Variants in DPYD observed in about 807,000 individuals in gnomAD.
DPYD encodes dihydropyrimidine dehydrogenase [NADP(+)].
In DPYD, 109 loss-of-function variants were observed where a neutral mutation model predicts 116.2. That is an observed-to-expected ratio of 0.94 (90% confidence interval 0.80 to 1.10). The LOEUF is 1.10. Among genes scored for constraint, DPYD ranks in the 50% least tolerant of loss-of-function variants. DPYD has a pLI of 0.00. For missense variants in DPYD, 1,302 were observed against 1,254.5 expected (o/e 1.04, Z -0.57); for synonymous variants, 440 against 432.0 (o/e 1.02, Z -0.23).
At chr1:97,230,751 T>C (rs542916570) in intron 19 of DPYD, among the ~76,000 whole-genome samples, 2 of 152,222 alleles carry the variant, frequency 1.3e-5, no homozygotes, top group African/African-American at 4.8e-5. Flanking sequence ...AGCCATGTGA[T>C]AGAAGTTCAG....
intron 4 of DPYD, among the ~76,000 whole-genome samples, chr1:97,729,073 T>C (rs1427070938): frequency 1.3e-5 from 2 of 152,138 alleles, no homozygotes; most frequent in African/African-American, 4.8e-5. Context: ...TTTTTAGAAC[T>C]ACACATTTGG....
chr1:97,615,205 T>A (rs1656191903), intron 8 of DPYD, among the ~76,000 whole-genome samples: 1 of 152,170 alleles, frequency 6.6e-6, no homozygotes. Context: ...CATCTTCCAC[T>A]GGTTGGGCTA....
intron 2 of DPYD, 112 bp downstream of exon 2, chr1:97,883,152 A>G: frequency 4.5e-6 from 3 of 663,934 alleles, no homozygotes; most frequent in Non-Finnish European, 7.8e-6. Context: ...AAATATTTTT[A>G]AAATCACGGC....
At chr1:97,388,778 G>A (rs1197671766) in intron 14 of DPYD, among the ~76,000 whole-genome samples, 1 of 152,090 alleles carries the variant, frequency 6.6e-6, no homozygotes, top group Non-Finnish European at 1.5e-5. Context: ...AAGATCACGG[G>A]AGGACTAATG....
chr1:97,682,165 T>C (rs1207962663), intron 7 of DPYD, among the ~76,000 whole-genome samples: 1 of 152,064 alleles, frequency 6.6e-6, no homozygotes, highest in Non-Finnish European at 1.5e-5. Flanking sequence ...GATTCTACTC[T>C]AATACACAAT....
intron 3 of DPYD, among the ~76,000 whole-genome samples, chr1:97,747,456 G>A (rs1186535472): frequency 6.6e-6 from 1 of 152,158 alleles, no homozygotes; most frequent in African/African-American, 2.4e-5. Context: ...TCACCTTAAA[G>A]ATGGTGGGGA....
intron 14 of DPYD, among the ~76,000 whole-genome samples, chr1:97,391,689 A>C (rs915658292): frequency 1.3e-5 from 2 of 152,158 alleles, no homozygotes; most frequent in Non-Finnish European, 1.5e-5. Context: ...AAGATTCCTT[A>C]TTAGTTGCCC....
intron 12 of DPYD, among the ~76,000 whole-genome samples, chr1:97,528,352 C>A (rs546141982): frequency 2.0e-5 from 3 of 152,026 alleles, no homozygotes; most frequent in Non-Finnish European, 2.9e-5. Flanking sequence ...TTCCATTTTA[C>A]GCATTTCTTT....
intron 3 of DPYD, among the ~76,000 whole-genome samples, chr1:97,826,278 C>A (rs746061406): frequency 2.0e-5 from 3 of 152,150 alleles, no homozygotes; most frequent in Non-Finnish European, 4.4e-5. Context: ...TTAATCATCT[C>A]TTCATTTGAA....
chr1:97,381,104 A>C (rs1240043259), intron 15 of DPYD, among the ~76,000 whole-genome samples: 1 of 152,108 alleles, frequency 6.6e-6, no homozygotes, highest in African/African-American at 2.4e-5. Context: ...TTTTGATTGA[A>C]CAAAAGGCAT....
At chr1:97,796,286 T>TA (rs1219085461) in intron 3 of DPYD, among the ~76,000 whole-genome samples, 1 of 152,118 alleles carries the variant, frequency 6.6e-6, no homozygotes, top group East Asian at 1.9e-4. Context: ...TTCCTTGTCC[T>TA]AAGCAACACA....
chr1:97,759,121 G>C (rs1357694602), intron 3 of DPYD, among the ~76,000 whole-genome samples: 18 of 152,088 alleles, frequency 1.2e-4, no homozygotes, highest in Admixed American at 1.2e-3. Context: ...ACTTCTGTGG[G>C]ACTAAATTTT....
intron 13 of DPYD, among the ~76,000 whole-genome samples, chr1:97,493,344 C>G (rs535506353): frequency 6.6e-6 from 1 of 152,236 alleles, no homozygotes; most frequent in African/African-American, 2.4e-5. Context: ...AAAACACAAG[C>G]CATGAAGGAA....
At chr1:97,690,882 AT>A (rs1462127027) in intron 7 of DPYD, among the ~76,000 whole-genome samples, 9 of 152,102 alleles carry the variant, frequency 5.9e-5, no homozygotes, top group African/African-American at 1.7e-4. Flanking sequence ...ACCACAAAAT[AT>A]TTTTTTGAGT....
chr1:97,760,993 T>A (rs574330562), intron 3 of DPYD, among the ~76,000 whole-genome samples: 1 of 152,138 alleles, frequency 6.6e-6, no homozygotes, highest in African/African-American at 2.4e-5. Context: ...AAAGGAGGAA[T>A]CCAACACAGA....
At chr1:97,486,017 A>G (rs1182005799) in intron 13 of DPYD, among the ~76,000 whole-genome samples, 1 of 152,220 alleles carries the variant, frequency 6.6e-6, no homozygotes, top group Non-Finnish European at 1.5e-5. Flanking sequence ...TAAAACTACT[A>G]TGTTTAACAG....
chr1:97,579,445 T>C (rs928101066), intron 10 of DPYD, among the ~76,000 whole-genome samples: 2 of 152,178 alleles, frequency 1.3e-5, no homozygotes, highest in African/African-American at 2.4e-5. Flanking sequence ...GATCATCCTA[T>C]GTTGCGAGGT....
chr1:97,464,693 G>A (rs1019184564), intron 13 of DPYD, among the ~76,000 whole-genome samples: 1 of 152,170 alleles, frequency 6.6e-6, no homozygotes, highest in South Asian at 2.1e-4. Context: ...ATCAAAAATC[G>A]AGGTTTGGGA....
intron 19 of DPYD, among the ~76,000 whole-genome samples, chr1:97,211,245 C>G (rs1335330654): frequency 6.6e-6 from 1 of 152,138 alleles, no homozygotes; most frequent in Non-Finnish European, 1.5e-5. Flanking sequence ...TTTCTCCATA[C>G]TTTCCCATAG....
Sources: gnomAD v4.1 joint callset for allele counts (sites outside exome capture counted in the v4.1 genomes callset) on GRCh38, gnomAD v4.1.1 for gene constraint, MANE v1.5 for transcripts, NCBI Gene and HGNC (gene_info 2026-07-23, HGNC 2026-07-21) for gene names.